The following RAB30 variants were observed in gnomAD, a reference collection of about 807,000 sequenced individuals.
The protein encoded by RAB30 is ras-related protein Rab-30.
A neutral mutation model predicts 25.1 loss-of-function variants in RAB30; 9 were observed. That is an observed-to-expected ratio of 0.36 (90% CI 0.22 to 0.63). RAB30 has a LOEUF of 0.63. Among genes scored for constraint, RAB30 ranks in the 20% least tolerant of loss-of-function variants. The probability of loss-of-function intolerance (pLI) is 0.69; values close to 1 mark genes in which losing one functional copy is unlikely to be tolerated. For missense variants in RAB30, 140 were observed against 243.5 expected (o/e 0.58, Z 2.83); for synonymous variants, 77 against 86.4 (o/e 0.89, Z 0.60).
intron 1 of RAB30, among the ~76,000 whole-genome samples, chr11:83,033,437 T>C (rs1857920407): frequency 6.6e-6 from 1 of 152,164 alleles, no homozygotes; most frequent in African/African-American, 2.4e-5. Context: ...AGAATTAAAA[T>C]ATATCTTGGC....
At chr11:83,008,532 A>G (rs751775539) in intron 1 of RAB30, among the ~76,000 whole-genome samples, 7 of 152,228 alleles carry the variant, frequency 4.6e-5, no homozygotes, top group Non-Finnish European at 7.3e-5. Flanking sequence ...AATTTCTTAC[A>G]TACTGTTACT....
In RAB30 at chr11:82,974,780, G is replaced by C. The variant is rs1565261996; in HGVS notation, c.*7385C>G. On this transcript the variant is annotated 3_prime_UTR_variant, in exon 5 of 5. Coordinates refer to ENST00000527633, the MANE Select transcript of RAB30 (RefSeq NM_001286060.2). ...TCTAAATATTTTAACTAGCTGCTGA[G>C]ATCTCCAGAATTATATATTTTGCAT... The C allele has an allele frequency of 6.6e-6, 1 of 152,044 alleles. No individual in the cohort carries two copies. The highest frequency in any genetic ancestry group is 2.4e-5 in the African/African-American group (1 of 41,420). The allele number at this position is 152,044 out of a possible 1,614,324, so 9.4% of individuals were successfully genotyped here. A position where few individuals can be genotyped will look rare whatever the true frequency, so the allele number is the denominator to read the frequency against.
At chr11:82,992,260 AC>A (rs1258043407) in intron 3 of RAB30, 6 of 453,974 alleles carry the variant, frequency 1.3e-5, no homozygotes, top group South Asian at 4.7e-5. Flanking sequence ...CCTTCTTCCC[AC>A]CCCCCACACT....
At chr11:82,992,685 C>A (rs1376313566) in intron 3 of RAB30, among the ~76,000 whole-genome samples, 1 of 151,732 alleles carries the variant, frequency 6.6e-6, no homozygotes, top group Non-Finnish European at 1.5e-5. Context: ...TTCCTTCCTT[C>A]TTTCCATCCC....
At chr11:83,035,634 C>T (rs146733062) in intron 1 of RAB30, 1 of 152,336 alleles carries the variant, frequency 6.6e-6, no homozygotes, top group African/African-American at 2.4e-5. Flanking sequence ...TGTGATTTCC[C>T]AAGGGAGATG....
intron 1 of RAB30, among the ~76,000 whole-genome samples, chr11:83,020,019 T>C (rs1036612053): frequency 1.3e-5 from 2 of 152,256 alleles, no homozygotes; most frequent in Non-Finnish European, 2.9e-5. Context: ...GCATGTTCCA[T>C]GGAGCTGGCG....
Position 82,979,230 on chromosome 11 carries a change from C to T in RAB30, c.*2935G>A, listed in dbSNP as rs554143558. On this transcript the variant is annotated 3_prime_UTR_variant, in exon 5 of 5. Transcript: ENST00000527633. ...GATTTTCCCAAGCCTGACTCCATGA[C>T]ATGAGTATCATGCATTTTCACTGGA... The T allele has an allele frequency of 1.3e-5, 2 of 152,130 alleles. No homozygotes were observed. Among genetic ancestry groups the T allele is most frequent in the African/African-American group, 4.8e-5 (2 of 41,424 alleles). The allele number at this position is 152,130 out of a possible 1,614,324, so 9.4% of individuals were successfully genotyped here. A position where few individuals can be genotyped will look rare whatever the true frequency, so the allele number is the denominator to read the frequency against.
At chr11:82,989,017 G>A (rs1438482389) in intron 3 of RAB30, among the ~76,000 whole-genome samples, 1 of 151,872 alleles carries the variant, frequency 6.6e-6, no homozygotes, top group Non-Finnish European at 1.5e-5. Flanking sequence ...TAAACTGAAA[G>A]CTTCATGAGG....
intron 1 of RAB30, among the ~76,000 whole-genome samples, chr11:83,002,985 G>A (rs1373713322): frequency 2.6e-5 from 4 of 152,166 alleles, no homozygotes; most frequent in Non-Finnish European, 5.9e-5. Flanking sequence ...CAAAAACTGT[G>A]TGTCTCAGGC....
At chr11:83,033,919 A>G (rs146100713) in intron 1 of RAB30, among the ~76,000 whole-genome samples, 1 of 152,264 alleles carries the variant, frequency 6.6e-6, no homozygotes, top group Non-Finnish European at 1.5e-5. Flanking sequence ...GAATAATCAG[A>G]TCAGGCCATT....
chr11:82,990,210 C>A (rs1856823674), intron 3 of RAB30, among the ~76,000 whole-genome samples: 2 of 152,228 alleles, frequency 1.3e-5, no homozygotes, highest in Non-Finnish European at 2.9e-5. Flanking sequence ...GCCTCACCGT[C>A]ATAATAATGT....
In RAB30 at chr11:82,977,163, G is replaced by A. The variant is rs1856559046; in HGVS notation, c.*5002C>T. 6.6e-6 allele frequency: 1 copy of A among 152,202 alleles called. No individual in the cohort carries two copies. The highest frequency in any genetic ancestry group is 1.5e-5 in the Non-Finnish European group (1 of 68,030). The allele number at this position is 152,202 out of a possible 1,614,324, so 9.4% of individuals were successfully genotyped here. On this transcript the variant is annotated 3_prime_UTR_variant, in exon 5 of 5. Coordinates refer to ENST00000527633, the MANE Select transcript of RAB30 (RefSeq NM_001286060.2). ...GGCCTATGTTTAGCAAGTGATAAAT[G>A]AATATACTTCATGTAACTTCTACTA...
At chr11:82,983,161 TA>T (rs1856674399) in intron 4 of RAB30, among the ~76,000 whole-genome samples, 1 of 152,166 alleles carries the variant, frequency 6.6e-6, no homozygotes, top group African/African-American at 2.4e-5. Context: ...ACATTTTATT[TA>T]TTTTTTTAAT....
chr11:83,005,318 G>A (rs1857162489), intron 1 of RAB30, among the ~76,000 whole-genome samples: 1 of 152,194 alleles, frequency 6.6e-6, no homozygotes, highest in African/African-American at 2.4e-5. Flanking sequence ...GTGTCCCCAG[G>A]TTCCTGGCCA....
At chr11:83,039,524 CA>C (rs773345274) in intron 1 of RAB30, among the ~76,000 whole-genome samples, 28 of 152,240 alleles carry the variant, frequency 1.8e-4, no homozygotes, top group South Asian at 2.1e-4. Flanking sequence ...TCAAAAAATA[CA>C]AAAATTAGTC....
chr11:83,004,091 T>C (rs909928303), intron 1 of RAB30, among the ~76,000 whole-genome samples: 1 of 152,230 alleles, frequency 6.6e-6, no homozygotes, highest in African/African-American at 2.4e-5. Flanking sequence ...CCAAACATGA[T>C]TTTAGCTGAG....
At chr11:82,993,353 C>T (rs1013818417) in intron 3 of RAB30, among the ~76,000 whole-genome samples, 7 of 152,200 alleles carry the variant, frequency 4.6e-5, no homozygotes, top group African/African-American at 1.7e-4. Flanking sequence ...TCTCTGAAGC[C>T]AGTAAAACGA....
intron 1 of RAB30, among the ~76,000 whole-genome samples, chr11:83,025,761 G>A (rs1441036490): frequency 6.6e-6 from 1 of 152,198 alleles, no homozygotes; most frequent in East Asian, 1.9e-4. Context: ...CTTTGCCTGG[G>A]CTTAAGGTCA....
At chr11:83,033,256 G>C (rs1298736005) in intron 1 of RAB30, among the ~76,000 whole-genome samples, 1 of 151,572 alleles carries the variant, frequency 6.6e-6, no homozygotes, top group East Asian at 1.9e-4. Context: ...GTAGAGACGG[G>C]GGTTTCACCA....
Sources: allele counts gnomAD v4.1 joint callset (sites outside exome capture counted in the v4.1 genomes callset), GRCh38; gene constraint gnomAD v4.1.1; transcripts MANE v1.5; gene names NCBI Gene and HGNC (gene_info 2026-07-23, HGNC 2026-07-21).